IGFL2: variants seen among roughly 807,000 people sequenced by gnomAD.
IGFL2 encodes insulin growth factor-like family member 2.
IGFL2 carries 7 observed loss-of-function variants against 13.9 expected under a neutral mutation model. That is an observed-to-expected ratio of 0.51 (90% CI 0.29 to 0.95). IGFL2 has a LOEUF of 0.95. Ranked by LOEUF, IGFL2 falls within the 40% of genes least tolerant of loss-of-function variation. IGFL2 has a pLI of 0.08. For synonymous variants in IGFL2, 55 were observed against 55.8 expected, an observed-to-expected ratio of 0.99 and a Z score of 0.07; for missense variants, 138 against 147.8, an observed-to-expected ratio of 0.93 and a Z score of 0.34.
At chr19:46,161,359 C>T (rs1482451256), downstream of IGFL2, 58 of 350,468 alleles carry the variant, frequency 1.7e-4, 1 homozygote, top group African/African-American at 1.1e-3. Context: ...GCAAGGAAGA[C>T]TATTCAAGAC....
At chr19:46,214,942 A>G in the IGFL2 span, 3 of 151,280 alleles carry the variant, frequency 2.0e-5, no homozygotes, top group Non-Finnish European at 4.4e-5. Flanking sequence ...CCTCAGCACA[A>G]AGTGCCTTGA....
chr19:46,203,727 GTTTT>G, the IGFL2 span: 1 of 152,352 alleles, frequency 6.6e-6, no homozygotes, highest in Non-Finnish European at 1.5e-5. Context: ...TTTTGTTTTT[GTTTT>G]TGTTTGAGAG....
At chr19:46,174,838 T>C in the IGFL2 span, among the ~76,000 whole-genome samples, 2 of 152,252 alleles carry the variant, frequency 1.3e-5, no homozygotes, top group Non-Finnish European at 2.9e-5. Context: ...GCTCATTACT[T>C]TGTTAGGTCA....
At chr19:46,180,247 C>T in the IGFL2 span, among the ~76,000 whole-genome samples, 548 of 150,230 alleles carry the variant, frequency 3.6e-3, 4 homozygotes, top group South Asian at 0.013. Flanking sequence ...GGCACGATCT[C>T]AGCTCACTGC....
At chr19:46,113,450 AT>A in the IGFL2 span, 1 of 392,832 alleles carries the variant, frequency 2.5e-6, no homozygotes, top group East Asian at 9.0e-5. Flanking sequence ...CCACGTAGAT[AT>A]CCAGGATTAC....
chr19:46,106,026 A>G, the IGFL2 span, among the ~76,000 whole-genome samples: 2 of 152,178 alleles, frequency 1.3e-5, no homozygotes, highest in African/African-American at 2.4e-5. Context: ...AGTTTATATA[A>G]TGGTTTAGTC....
chr19:46,136,186 A>G, the IGFL2 span, among the ~76,000 whole-genome samples: 228 of 152,154 alleles, frequency 1.5e-3, 3 homozygotes, highest in South Asian at 0.016. Context: ...TGTGTTTTCC[A>G]GGTTGCTTGC....
At chr19:46,084,653 A>G in the IGFL2 span, among the ~76,000 whole-genome samples, 1 of 152,158 alleles carries the variant, frequency 6.6e-6, no homozygotes, top group African/African-American at 2.4e-5. Flanking sequence ...AGCAGAAGCT[A>G]GAGAGAGAGT....
the IGFL2 span, chr19:46,200,846 G>T: frequency 2.0e-5 from 3 of 152,044 alleles, no homozygotes; most frequent in Non-Finnish European, 4.4e-5. Context: ...GTTTTGCTTC[G>T]CTGGAAAAAA....
At chr19:46,101,257 G>A in the IGFL2 span, 1 of 152,462 alleles carries the variant, frequency 6.6e-6, no homozygotes, top group Non-Finnish European at 1.5e-5. Flanking sequence ...CTTGGTGGAG[G>A]GGATGTGCTG....
At chr19:46,078,656 C>G in the IGFL2 span, among the ~76,000 whole-genome samples, 2 of 152,224 alleles carry the variant, frequency 1.3e-5, no homozygotes, top group Admixed American at 6.5e-5. Context: ...TAAAATGCAT[C>G]AAACATAGCT....
the IGFL2 span, among the ~76,000 whole-genome samples, chr19:46,126,134 T>C: frequency 1.3e-5 from 2 of 151,374 alleles, no homozygotes; most frequent in Non-Finnish European, 3.0e-5. Flanking sequence ...TTAGAATGTT[T>C]ATTAACAGAG....
the IGFL2 span, among the ~76,000 whole-genome samples, chr19:46,101,606 T>C: frequency 6.6e-6 from 1 of 152,230 alleles, no homozygotes; most frequent in African/African-American, 2.4e-5. Flanking sequence ...CGAGCTGTAG[T>C]GATGGCTGTT....
the IGFL2 span, among the ~76,000 whole-genome samples, chr19:46,102,212 T>C: frequency 6.6e-6 from 1 of 152,222 alleles, no homozygotes; most frequent in South Asian, 2.1e-4. Flanking sequence ...TGCGCGCGTC[T>C]GTGTGAAGAG....
chr19:46,103,493 T>C, the IGFL2 span, among the ~76,000 whole-genome samples: 1 of 152,232 alleles, frequency 6.6e-6, no homozygotes, highest in East Asian at 1.9e-4. Flanking sequence ...TATTGGAGTG[T>C]GCCCTGTGAG....
chr19:46,123,823 A>C, the IGFL2 span: 1 of 1,508,132 alleles, frequency 6.6e-7, no homozygotes, highest in Non-Finnish European at 8.9e-7. Flanking sequence ...TTCCTCTTCA[A>C]GCCCTCTGTA....
chr19:46,199,411 A>G, the IGFL2 span, among the ~76,000 whole-genome samples: 2 of 152,154 alleles, frequency 1.3e-5, no homozygotes, highest in East Asian at 3.9e-4. Flanking sequence ...TCCCCAGACA[A>G]TGGATTGGAT....
intron 1 of IGFL2, among the ~76,000 whole-genome samples, chr19:46,157,095 A>G (rs546777217): frequency 6.6e-6 from 1 of 152,326 alleles, no homozygotes; most frequent in Non-Finnish European, 1.5e-5. Flanking sequence ...TCATTTTAGT[A>G]GCCTTATAAC....
At chr19:46,128,455 A>G in the IGFL2 span, among the ~76,000 whole-genome samples, 1 of 152,162 alleles carries the variant, frequency 6.6e-6, no homozygotes, top group Non-Finnish European at 1.5e-5. Context: ...GCTTTTGCCC[A>G]TTCTGTATAA....
Sources: gnomAD v4.1 joint callset for allele counts (sites outside exome capture counted in the v4.1 genomes callset) on GRCh38, gnomAD v4.1.1 for gene constraint, MANE v1.5 for transcripts, NCBI Gene and HGNC (gene_info 2026-07-23, HGNC 2026-07-21) for gene names.